The following SH3BGRL2 variants were observed in gnomAD, a reference collection of about 807,000 sequenced individuals.
The protein encoded by SH3BGRL2 is SH3 domain-binding glutamic acid-rich-like protein 2.
In SH3BGRL2, 21 loss-of-function variants were observed where a neutral mutation model predicts 14.8. The ratio of observed to expected loss-of-function variants is 1.42; its 90% CI spans 1.01 to 2.05. The LOEUF (loss-of-function observed/expected upper bound fraction) is 2.05. Ranked by LOEUF, SH3BGRL2 falls within the 30% of genes most tolerant of loss-of-function variation. The pLI is 0.00. For missense variants in SH3BGRL2, 147 were observed against 130.8 expected, an observed-to-expected ratio of 1.12 and a Z score of -0.61; for synonymous variants, 50 against 47.8, an observed-to-expected ratio of 1.05 and a Z score of -0.19.
the SH3BGRL2 span, chr6:79,575,643 A>C: frequency 2.6e-5 from 4 of 152,024 alleles, no homozygotes; most frequent in Non-Finnish European, 5.9e-5. Context: ...TTTTTTACTT[A>C]AAGTTTTTTA....
chr6:79,625,470 A>G, the SH3BGRL2 span, among the ~76,000 whole-genome samples: 1 of 152,142 alleles, frequency 6.6e-6, no homozygotes, highest in African/African-American at 2.4e-5. Flanking sequence ...CATTTCACAA[A>G]TATTCTTTTT....
At chr6:79,658,306 C>T (rs1445173313) in intron 1 of SH3BGRL2, among the ~76,000 whole-genome samples, 1 of 152,138 alleles carries the variant, frequency 6.6e-6, no homozygotes, top group Non-Finnish European at 1.5e-5. Flanking sequence ...CCCCACCACC[C>T]GACAGGCCCC....
chr6:79,699,919 G>T lies in SH3BGRL2; in HGVS notation c.*410G>T. 5.3e-6 allele frequency: 1 copy of T among 188,702 alleles called. No individual in the cohort carries two copies. Among genetic ancestry groups the T allele is most frequent in the Non-Finnish European group, 1.1e-5 (1 of 93,136 alleles). The allele number at this position is 188,702 out of a possible 1,614,324, so 11.7% of individuals were successfully genotyped here. On this transcript the variant is annotated 3_prime_UTR_variant, in exon 4 of 4. Transcript: ENST00000369838. The stretch of plus-strand genomic sequence containing the variant: ...TGGATTGCACCTTTGAAATATGTCT[G>T]CCAAGTTGTTAGAATCTTTGAATCA...
At chr6:79,555,754 C>T in the SH3BGRL2 span, among the ~76,000 whole-genome samples, 29 of 152,278 alleles carry the variant, frequency 1.9e-4, no homozygotes, top group Non-Finnish European at 1.0e-4. Flanking sequence ...ATGATCTGCC[C>T]GCCTTGGCGT....
the SH3BGRL2 span, among the ~76,000 whole-genome samples, chr6:79,546,829 G>A: frequency 2.5e-3 from 383 of 151,850 alleles, 2 homozygotes; most frequent in East Asian, 0.035. Flanking sequence ...ACAGATGCGC[G>A]CCACCATGCC....
the SH3BGRL2 span, among the ~76,000 whole-genome samples, chr6:79,582,298 A>G: frequency 1.3e-5 from 2 of 152,214 alleles, no homozygotes; most frequent in Non-Finnish European, 1.5e-5. Context: ...TAAAGTTCAT[A>G]TGGAACCAAA....
At chr6:79,576,827 C>T in the SH3BGRL2 span, among the ~76,000 whole-genome samples, 1 of 152,148 alleles carries the variant, frequency 6.6e-6, no homozygotes, top group African/African-American at 2.4e-5. Flanking sequence ...TCCTTTCAGT[C>T]GCTATAGATC....
chr6:79,572,921 A>G, the SH3BGRL2 span, among the ~76,000 whole-genome samples: 1 of 152,162 alleles, frequency 6.6e-6, no homozygotes, highest in Non-Finnish European at 1.5e-5. Context: ...ATGCATTGCA[A>G]ATGTCTTCTC....
At position 79,638,326 on chromosome 6, in the gene SH3BGRL2, T is replaced by G. The variant is rs561521929; in HGVS notation, c.45+6820T>G. ...TGGCTGAATAACATTCCATTGAGTA[T>G]ATATACCATATTATCCATTTGTGTG... On this transcript the variant is annotated intron_variant, in intron 1 of 3. Coordinates refer to ENST00000369838, the MANE Select transcript of SH3BGRL2 (RefSeq NM_031469.4). Among the ~76,000 whole-genome samples, 3 of 152,352 alleles carry G rather than the reference T, an allele frequency of 2.0e-5. No homozygotes were observed. The South Asian group carries it at 6.2e-4, about 32-fold the overall frequency.
the SH3BGRL2 span, among the ~76,000 whole-genome samples, chr6:79,590,633 T>A: frequency 6.6e-6 from 1 of 151,106 alleles, no homozygotes; most frequent in Admixed American, 6.6e-5. Flanking sequence ...TATACGGATA[T>A]AAAGAAGGGA....
At chr6:79,680,943 ATTAG>A (rs1362175293) in intron 2 of SH3BGRL2, among the ~76,000 whole-genome samples, 1 of 152,046 alleles carries the variant, frequency 6.6e-6, no homozygotes, top group African/African-American at 2.4e-5. Flanking sequence ...AAATTTGTTT[ATTAG>A]TTCTTTTATT....
intron 2 of SH3BGRL2, among the ~76,000 whole-genome samples, chr6:79,691,048 G>A (rs903493265): frequency 6.6e-5 from 10 of 152,028 alleles, no homozygotes; most frequent in African/African-American, 1.2e-4. Context: ...CCAGCTACTC[G>A]GGAGGCTGAG....
intron 2 of SH3BGRL2, among the ~76,000 whole-genome samples, chr6:79,689,454 G>A (rs1422279815): frequency 6.6e-6 from 1 of 152,020 alleles, no homozygotes; most frequent in Non-Finnish European, 1.5e-5. Flanking sequence ...ACCTTTCTTG[G>A]TGACTGAAAC....
chr6:79,688,127 T>C (rs1442212937), intron 2 of SH3BGRL2, among the ~76,000 whole-genome samples: 1 of 152,050 alleles, frequency 6.6e-6, no homozygotes, highest in African/African-American at 2.4e-5. Context: ...TAGATTTTAT[T>C]ATGAGCTTAG....
chr6:79,540,924 A>T, the SH3BGRL2 span, among the ~76,000 whole-genome samples: 1 of 152,124 alleles, frequency 6.6e-6, no homozygotes, highest in Non-Finnish European at 1.5e-5. Flanking sequence ...TTTTGGAGTG[A>T]TGTGAATATG....
At chr6:79,546,843 C>T in the SH3BGRL2 span, among the ~76,000 whole-genome samples, 1 of 151,948 alleles carries the variant, frequency 6.6e-6, no homozygotes, top group Non-Finnish European at 1.5e-5. Context: ...CCATGCCCGG[C>T]TAATTTTTTT....
chr6:79,641,096 T>C (rs2127723838), intron 1 of SH3BGRL2, among the ~76,000 whole-genome samples: 1 of 152,182 alleles, frequency 6.6e-6, no homozygotes, highest in Non-Finnish European at 1.5e-5. Flanking sequence ...AGTGTGGTCT[T>C]CTTCATTCAT....
Position 79,647,979 on chromosome 6 carries a change from T to A in SH3BGRL2, c.45+16473T>A, listed in dbSNP as rs184363280. Among the ~76,000 whole-genome samples the A allele has an allele frequency of 1.9e-3, 291 of 152,058 alleles. 1 individual carries two copies. Among genetic ancestry groups the A allele is most frequent in the Non-Finnish European group, 3.8e-3 (257 of 67,968 alleles). On this transcript the variant is annotated intron_variant, in intron 1 of 3. Transcript: ENST00000369838. Reference sequence around the variant, plus strand: ...AGACAAGTGGCTACCCTGTAGTTAATTCCACAGCAGTGTTTTAATAGTGAG... The same window carrying A: ...AGACAAGTGGCTACCCTGTAGTTAAATCCACAGCAGTGTTTTAATAGTGAG...
chr6:79,675,722 C>G (rs1256486800), intron 2 of SH3BGRL2, among the ~76,000 whole-genome samples: 1 of 152,062 alleles, frequency 6.6e-6, no homozygotes, highest in Non-Finnish European at 1.5e-5. Flanking sequence ...CTCCCCATTT[C>G]TTGCTCTGTG....
Sources: gnomAD v4.1 joint callset for allele counts (sites outside exome capture counted in the v4.1 genomes callset) on GRCh38, gnomAD v4.1.1 for gene constraint, MANE v1.5 for transcripts, NCBI Gene and HGNC (gene_info 2026-07-23, HGNC 2026-07-21) for gene names.